The following KRT82 variants were observed in gnomAD, a reference collection of about 807,000 sequenced individuals.
KRT82 encodes the protein keratin 82.
In KRT82, 44 loss-of-function variants were observed where a neutral mutation model predicts 48.0. The observed-to-expected ratio is 0.92, with a 90% confidence interval of 0.72 to 1.18. The LOEUF (loss-of-function observed/expected upper bound fraction) is 1.18, where lower values mean the gene tolerates loss of function less well. Among genes scored for constraint, KRT82 ranks in the 50% most tolerant of loss-of-function variants. The pLI, the probability that KRT82 is intolerant of heterozygous loss-of-function variation, is 0.00. For missense variants in KRT82, 701 were observed against 671.4 expected (o/e 1.04, Z -0.49); for synonymous variants, 297 against 278.3 (o/e 1.07, Z -0.67).
At position 52,394,448 on chromosome 12, in the gene KRT82, T is replaced by G. The variant is rs1939677472; in HGVS notation, c.*527A>C. ...GAGGACATTGGCAGGTCCTGACTGA[T>G]CCTGAAATCGTGGCACTTGGCTTTG... On this transcript the variant is annotated 3_prime_UTR_variant, in exon 9 of 9. Coordinates refer to ENST00000257974, the MANE Select transcript of KRT82 (RefSeq NM_033033.4). 1 of 161,294 alleles carries G rather than the reference T, an allele frequency of 6.2e-6. No individual in the cohort carries two copies. The highest frequency in any genetic ancestry group is 1.4e-5 in the Non-Finnish European group (1 of 73,798). 10.0% of individuals were successfully genotyped at this position (161,294 alleles called of 1,614,324 possible).
chr12:52,395,279 C>T, intron 8 of KRT82, 84 bp from the exon 9 acceptor site: 1 of 1,091,566 alleles, frequency 9.2e-7, no homozygotes, highest in Non-Finnish European at 1.3e-6. Flanking sequence ...CCAGGCCATT[C>T]CTCCCACCTC....
chr12:52,403,272 G>A (rs1434142856), intron 2 of KRT82, among the ~76,000 whole-genome samples: 1 of 152,206 alleles, frequency 6.6e-6, no homozygotes, highest in Admixed American at 6.5e-5. Context: ...GCTTGGACAT[G>A]GAGCAGAGAG....
chr12:52,404,419 C>T (rs896266647), intron 1 of KRT82, among the ~76,000 whole-genome samples: 1 of 152,190 alleles, frequency 6.6e-6, no homozygotes, highest in African/African-American at 2.4e-5. Flanking sequence ...GCTCTTTTCA[C>T]CTACTGTGCT....
At chr12:52,401,155 A>T in intron 3 of KRT82, 134 bp downstream of exon 3, 1 of 663,666 alleles carries the variant, frequency 1.5e-6, no homozygotes, top group South Asian at 1.8e-5. Context: ...GGGCTGGCAC[A>T]GGAGTCTGAG....
chr12:52,395,307 A>G, intron 8 of KRT82, 112 bp from the exon 9 acceptor site: 5 of 846,884 alleles, frequency 5.9e-6, no homozygotes, highest in Non-Finnish European at 9.2e-6. Context: ...TCACCTCTAC[A>G]GACACCCCAT....
rs1939687092 is a variant in KRT82 at position 52,394,797 on chromosome 12, T to G, written c.*178A>C. 1 of 618,292 alleles carries G rather than the reference T, an allele frequency of 1.6e-6. No homozygotes were observed. Among genetic ancestry groups the G allele is most frequent in the African/African-American group, 1.8e-5 (1 of 54,150 alleles). 38.3% of individuals were successfully genotyped at this position (618,292 alleles called of 1,614,324 possible). On this transcript the variant is annotated 3_prime_UTR_variant, in exon 9 of 9. Transcript: ENST00000257974. ...ACACAGGTGAGTGGAAGGTGACTCA[T>G]GAGGCAAAGGAGGGGTCCTAGGGGC...
intron 1 of KRT82, among the ~76,000 whole-genome samples, chr12:52,404,547 A>G (rs1362980221): frequency 2.6e-5 from 4 of 152,192 alleles, no homozygotes; most frequent in Non-Finnish European, 5.9e-5. Context: ...TAAGTTCACC[A>G]TGGCCACCCG....
At position 52,396,132 on chromosome 12, in the gene KRT82, T is replaced by A; in HGVS notation, c.1169A>T (p.Gln390Leu). ...GCAGGCCATGTCCTGCTTGGCCTTC[T>A]GCAGAGCCTCCTCCAGCCCTGCCAG... ...CKLAGLEEAL[Q>L]KAKQDMACLL... The change falls in exon 7 of 9, where the codon CAG becomes CTG. Residue 390 changes from glutamine (Q) to leucine (L), a missense_variant. By Grantham distance (113) the Gln-to-Leu change is moderately radical (BLOSUM62 -2). Coordinates refer to ENST00000257974, the MANE Select transcript of KRT82 (RefSeq NM_033033.4). The A allele has an allele frequency of 6.2e-7, 1 of 1,614,204 alleles. No homozygotes were observed.
rs929004442 is a variant in KRT82, at chr12:52,394,874, G to A, written c.*101C>T. Reference sequence around the variant, plus strand: ...GGAGGGGAATGTGGAGTCAATAAAGGGAGGTGGGGTTTTGGAACATCCTTG... The same window carrying A: ...GGAGGGGAATGTGGAGTCAATAAAGAGAGGTGGGGTTTTGGAACATCCTTG... On this transcript the variant is annotated 3_prime_UTR_variant, in exon 9 of 9. Coordinates refer to ENST00000257974, the MANE Select transcript of KRT82 (RefSeq NM_033033.4). 1.4e-5 allele frequency: 14 copies of A among 998,356 alleles called. No individual in the cohort carries two copies. In the African/African-American group the frequency reaches 1.9e-4, roughly 14 times the overall value. 61.8% of individuals were successfully genotyped at this position (998,356 alleles called of 1,614,324 possible).
intron 1 of KRT82, 98 bp from the exon 2 acceptor site, chr12:52,404,007 A>C: frequency 1.7e-6 from 2 of 1,187,446 alleles, no homozygotes; most frequent in South Asian, 1.5e-5. Context: ...CTCCCAACAC[A>C]TGGCTACCAG....
chr12:52,396,594 C>G (rs1033679630), intron 6 of KRT82, among the ~76,000 whole-genome samples: 1 of 152,114 alleles, frequency 6.6e-6, no homozygotes, highest in Non-Finnish European at 1.5e-5. Flanking sequence ...CTGAAGGGAC[C>G]GTGGAGTGCA....
chr12:52,405,173 C>T (rs1482151324), intron 1 of KRT82, among the ~76,000 whole-genome samples: 1 of 151,936 alleles, frequency 6.6e-6, no homozygotes. Flanking sequence ...AATCTGCGCT[C>T]TTCCTGCAGT....
chr12:52,399,319 G>A lies in KRT82; in HGVS notation c.942+666C>T, dbSNP rs570193360. ...TCTCTGGAATGAAAGCGACATGAAG[G>A]CAGGGACTAGTGTCTGTTCTGTTCC... On this transcript the variant is annotated intron_variant, in intron 5 of 8. Transcript: ENST00000257974. 2.0e-5 allele frequency among the ~76,000 whole-genome samples: 3 copies of A among 152,314 alleles called. No individual in the cohort carries two copies. In the South Asian group the frequency reaches 6.2e-4, roughly 32 times the overall value.
At chr12:52,405,118 A>C (rs1732272) in intron 1 of KRT82, among the ~76,000 whole-genome samples, 98,952 of 152,146 alleles carry the variant, frequency 0.65, 33,321 homozygotes, top group African/African-American at 0.81. Flanking sequence ...TTCAGAAGGC[A>C]TGCCACATCT....
At chr12:52,403,367 G>A (rs1939813167) in intron 2 of KRT82, among the ~76,000 whole-genome samples, 1 of 152,206 alleles carries the variant, frequency 6.6e-6, no homozygotes, top group Non-Finnish European at 1.5e-5. Context: ...CTGTGGAATA[G>A]GAAGTAGTTC....
At chr12:52,399,905 C>T (rs536949602) in intron 5 of KRT82, 80 bp downstream of exon 5, 54 of 1,435,996 alleles carry the variant, frequency 3.8e-5, no homozygotes, top group South Asian at 2.7e-4. Flanking sequence ...CCCACTTCTG[C>T]GGAGAAGGAG....
chr12:52,400,940 C>T (rs1296177557), intron 3 of KRT82, among the ~76,000 whole-genome samples: 1 of 152,214 alleles, frequency 6.6e-6, no homozygotes, highest in Non-Finnish European at 1.5e-5. Flanking sequence ...TATTTGGGGG[C>T]TTGCGGCAGA....
chr12:52,403,601 A>G, intron 2 of KRT82, 100 bp downstream of exon 2: 1 of 782,392 alleles, frequency 1.3e-6, no homozygotes, highest in Non-Finnish European at 2.1e-6. Flanking sequence ...CCAGTGAACT[A>G]AGTTTAGGCT....
At chr12:52,396,810 C>G in intron 6 of KRT82, 73 bp downstream of exon 6, 1 of 1,570,722 alleles carries the variant, frequency 6.4e-7, no homozygotes, top group Non-Finnish European at 8.7e-7. Flanking sequence ...GGATTGAACC[C>G]GCCCTGCACG....
Sources: gnomAD v4.1 joint callset for allele counts (sites outside exome capture counted in the v4.1 genomes callset) on GRCh38, gnomAD v4.1.1 for gene constraint, MANE v1.5 for transcripts, NCBI Gene and HGNC (gene_info 2026-07-23, HGNC 2026-07-21) for gene names.